BIRC6: variants seen among roughly 807,000 people sequenced by gnomAD.
The protein encoded by BIRC6 is dual E2 ubiquitin-conjugating enzyme/E3 ubiquitin-protein ligase BIRC6.
A neutral mutation model predicts 503.3 loss-of-function variants in BIRC6; 98 were observed. The ratio of observed to expected loss-of-function variants is 0.19; its 90% CI spans 0.17 to 0.23. The LOEUF (loss-of-function observed/expected upper bound fraction) is 0.23. Among genes scored for constraint, BIRC6 ranks in the 10% least tolerant of loss-of-function variants. The pLI is 1.00. For synonymous variants in BIRC6, 2,240 were observed against 2,078.7 expected, an observed-to-expected ratio of 1.08 and a Z score of -2.11; for missense variants, 5,360 against 5,806.0, an observed-to-expected ratio of 0.92 and a Z score of 2.50.
chr2:32,595,981 T>C (rs1244355547), intron 68 of BIRC6, among the ~76,000 whole-genome samples: 2 of 152,172 alleles, frequency 1.3e-5, no homozygotes, highest in African/African-American at 4.8e-5. Flanking sequence ...TAAGTAATAA[T>C]ATTAACTTGG....
intron 1 of BIRC6, among the ~76,000 whole-genome samples, chr2:32,376,209 A>C (rs2036759706): frequency 6.6e-6 from 1 of 151,270 alleles, no homozygotes; most frequent in South Asian, 2.1e-4. Context: ...AAAAAGGAAA[A>C]TACATGAGAA....
chr2:32,557,397 T>C (rs911787491), intron 65 of BIRC6: 3 of 152,220 alleles, frequency 2.0e-5, no homozygotes, highest in Non-Finnish European at 2.9e-5. Context: ...GGTTGTAGCA[T>C]TTTTGCTGTT....
At chr2:32,361,127 G>GT (rs1251874927) in intron 1 of BIRC6, among the ~76,000 whole-genome samples, 1 of 152,004 alleles carries the variant, frequency 6.6e-6, no homozygotes, top group East Asian at 1.9e-4. Context: ...TAGAGACAGG[G>GT]TTTCACCATG....
At chr2:32,430,805 C>CTTTTTTTTTTT (rs370529825) in intron 11 of BIRC6, 60 bp from the exon 12 acceptor site, 2 of 484,804 alleles carry the variant, frequency 4.1e-6, no homozygotes, top group South Asian at 5.3e-5. Context: ...TCATTGTCTT[C>CTTTTTTTTTTT]TTTTTTTTTT....
At chr2:32,461,383 T>TG (rs1434874554) in intron 23 of BIRC6, among the ~76,000 whole-genome samples, 4 of 149,016 alleles carry the variant, frequency 2.7e-5, no homozygotes, top group South Asian at 2.1e-4. Flanking sequence ...TGTGTGTGTG[T>TG]TTAGTAGAGA....
At chr2:32,472,762 G>A (rs2049250049) in intron 32 of BIRC6, among the ~76,000 whole-genome samples, 1 of 152,158 alleles carries the variant, frequency 6.6e-6, no homozygotes, top group Non-Finnish European at 1.5e-5. Flanking sequence ...AAAAGCGTCT[G>A]TGTTTGAAAT....
chr2:32,586,106 A>G (rs1464902707), intron 66 of BIRC6, among the ~76,000 whole-genome samples: 1 of 152,178 alleles, frequency 6.6e-6, no homozygotes, highest in Non-Finnish European at 1.5e-5. Flanking sequence ...TTCTATTTTT[A>G]TATACCACTA....
intron 71 of BIRC6, 104 bp downstream of exon 71, chr2:32,603,187 G>A: frequency 1.3e-6 from 1 of 764,432 alleles, no homozygotes; most frequent in African/African-American, 1.8e-5. Context: ...CCTAAAAAAA[G>A]ATAGATTACT....
Position 32,431,181 on chromosome 2 carries a change from CTTTTTTTTTTT to C in BIRC6, c.3248+113_3248+123del, listed in dbSNP as rs10610125. 424 of 69,290 alleles carry C rather than the reference CTTTTTTTTTTT, an allele frequency of 6.1e-3. 1 individual carries two copies. The highest frequency in any genetic ancestry group is 0.024 in the East Asian group (68 of 2,812). The allele number at this position is 69,290 out of a possible 1,614,324, so 4.3% of individuals were successfully genotyped here. ...AATTCCTAGGTATATTACTGTTTAT[CTTTTTTTTTTT>C]TTTTTTTTTTTTTTTTTTTTTGAGA... On this transcript the variant is annotated intron_variant, in intron 12 of 73. Coordinates refer to ENST00000421745, the MANE Select transcript of BIRC6 (RefSeq NM_016252.4).
In BIRC6 at chr2:32,413,757, C is replaced by T. The variant is rs569534580; in HGVS notation, c.1478-1012C>T. Among the ~76,000 whole-genome samples, 3 of 151,092 alleles carry T rather than the reference C, an allele frequency of 2.0e-5. No individual in the cohort carries two copies. In the East Asian group the frequency reaches 5.8e-4, roughly 29 times the overall value. On this transcript the variant is annotated intron_variant, in intron 9 of 73. Coordinates refer to ENST00000421745, the MANE Select transcript of BIRC6 (RefSeq NM_016252.4). ...TATTTATGGGGGATTGGTTCCAGGA[C>T]CCTCTCTAGATACCAAAACCTGGAT...
At chr2:32,459,944 G>A (rs970586682) in intron 23 of BIRC6, among the ~76,000 whole-genome samples, 2 of 151,002 alleles carry the variant, frequency 1.3e-5, no homozygotes, top group African/African-American at 4.9e-5. Context: ...AATTTTAAAA[G>A]TAGTTTATAG....
At position 32,416,830 on chromosome 2, in the gene BIRC6, C is replaced by G. The variant is rs140543597; in HGVS notation, c.2872+667C>G. The stretch of plus-strand genomic sequence containing the variant: ...CCCCTTTCTTTCCCCGTCCTCTCCC[C>G]TCCTTTCTTTTCCTTTTATTTTTGA... On this transcript the variant is annotated intron_variant, in intron 10 of 73. Coordinates refer to ENST00000421745, the MANE Select transcript of BIRC6 (RefSeq NM_016252.4). 4.1e-5 allele frequency among the ~76,000 whole-genome samples: 6 copies of G among 145,912 alleles called. No individual in the cohort carries two copies. In the East Asian group the frequency reaches 1.2e-3, roughly 30 times the overall value.
intron 22 of BIRC6, 188 bp downstream of exon 22, chr2:32,449,116 C>T: frequency 1.9e-6 from 1 of 530,760 alleles, no homozygotes; most frequent in Non-Finnish European, 3.1e-6. Context: ...GAAGAAAATC[C>T]CAGTATATTA....
chr2:32,586,259 AAAC>A (rs933753313), intron 66 of BIRC6, among the ~76,000 whole-genome samples: 17 of 151,090 alleles, frequency 1.1e-4, no homozygotes, highest in Admixed American at 5.3e-4. Flanking sequence ...TTAAAAAAAA[AAAC>A]AACTTAAAAA....
intron 46 of BIRC6, 59 bp downstream of exon 46, chr2:32,500,168 TA>T: frequency 7.1e-7 from 1 of 1,404,226 alleles, no homozygotes. Context: ...GGTTTTTTTT[TA>T]AGCAATATAT....
chr2:32,489,958 G>A, intron 42 of BIRC6, 83 bp from the exon 43 acceptor site: 2 of 968,380 alleles, frequency 2.1e-6, no homozygotes, highest in South Asian at 2.9e-5. Context: ...ATAGTGTCTT[G>A]TTTTTAAATT....
At chr2:32,487,310 C>CA (rs2051115834) in intron 40 of BIRC6, among the ~76,000 whole-genome samples, 1 of 152,128 alleles carries the variant, frequency 6.6e-6, no homozygotes, top group African/African-American at 2.4e-5. Flanking sequence ...ACTACCTTAT[C>CA]AATAATTAGT....
intron 57 of BIRC6, chr2:32,522,001 T>G: frequency 6.6e-6 from 1 of 152,152 alleles, no homozygotes; most frequent in East Asian, 1.9e-4. Flanking sequence ...CCTCCCCTTT[T>G]TTTATAATTA....
Position 32,515,453 on chromosome 2 carries a change from A to G in BIRC6, c.11032A>G (p.Ile3678Val), listed in dbSNP as rs142001189. 689 of 1,613,408 alleles carry G rather than the reference A, an allele frequency of 4.3e-4. 3 individuals carry two copies. Among genetic ancestry groups the G allele is most frequent in the South Asian group, 2.4e-3 (215 of 91,086 alleles). ...HVPQQCNKMP[I>V]TADLVAPILR... ...CCCACAACAATGTAATAAGATGCCTATCACAGCCGACCTAGTTGCTCCTAT... is the reference window on the plus strand; with the variant it reads ...CCCACAACAATGTAATAAGATGCCTGTCACAGCCGACCTAGTTGCTCCTAT... Residue 3678 changes from isoleucine (I) to valine (V), a missense_variant, in exon 55 of 74, where the codon ATC becomes GTC. By Grantham distance (29) the Ile-to-Val change is conservative. Around this residue, in one of 16 missense-constraint regions of BIRC6, gnomAD observed 878 missense variants for 928.9 expected, o/e 0.95. Transcript: ENST00000421745.
Sources: allele counts gnomAD v4.1 joint callset (sites outside exome capture counted in the v4.1 genomes callset), GRCh38; gene constraint gnomAD v4.1.1; regional missense constraint gnomAD v4.1.1; transcripts MANE v1.5; gene names NCBI Gene and HGNC (gene_info 2026-07-23, HGNC 2026-07-21).